GFRA2: variants seen among roughly 807,000 people sequenced by gnomAD.
The protein encoded by GFRA2 is GDNF family receptor alpha-2.
A neutral mutation model predicts 48.3 loss-of-function variants in GFRA2; 17 were observed. That is an observed-to-expected ratio of 0.35 (90% confidence interval 0.24 to 0.53). GFRA2 has a LOEUF of 0.53. GFRA2 is among the 20% of genes least tolerant of loss of function. GFRA2 has a pLI of 0.93. For synonymous variants in GFRA2, 305 were observed against 257.2 expected, an observed-to-expected ratio of 1.19 and a Z score of -1.78; for missense variants, 660 against 637.3, an observed-to-expected ratio of 1.04 and a Z score of -0.38.
At chr8:21,713,048 A>AGAC (rs1803147045) in intron 4 of GFRA2, among the ~76,000 whole-genome samples, 5 of 149,076 alleles carry the variant, frequency 3.4e-5, no homozygotes, top group African/African-American at 1.3e-4. Context: ...AGGGAGAGGG[A>AGAC]GAGGGAGACG....
chr8:21,718,919 C>A (rs1411250531), intron 4 of GFRA2, among the ~76,000 whole-genome samples: 1 of 151,636 alleles, frequency 6.6e-6, no homozygotes, highest in Non-Finnish European at 1.5e-5. Context: ...AGCCCCCTAC[C>A]CATCCCCCTG....
intron 4 of GFRA2, among the ~76,000 whole-genome samples, chr8:21,739,300 C>G (rs1804636443): frequency 6.6e-6 from 1 of 152,216 alleles, no homozygotes; most frequent in Admixed American, 6.5e-5. Flanking sequence ...TCCAACACCC[C>G]TTCCCTGACA....
chr8:21,736,949 A>G, intron 4 of GFRA2, among the ~76,000 whole-genome samples: 1 of 148,470 alleles, frequency 6.7e-6, no homozygotes, highest in Non-Finnish European at 1.5e-5. Context: ...AGGGGAGGGG[A>G]GGCCTCCAAG....
chr8:21,743,442 T>G (rs1338545345), intron 4 of GFRA2, among the ~76,000 whole-genome samples: 1 of 152,188 alleles, frequency 6.6e-6, no homozygotes, highest in African/African-American at 2.4e-5. Context: ...CAAGAGAACC[T>G]GAGTGAAAAG....
At chr8:21,780,100 CA>C (rs1213516497) in intron 2 of GFRA2, among the ~76,000 whole-genome samples, 1 of 151,296 alleles carries the variant, frequency 6.6e-6, no homozygotes, top group Non-Finnish European at 1.5e-5. Flanking sequence ...CTCTTTACAC[CA>C]AAATTCTGGA....
intron 4 of GFRA2, among the ~76,000 whole-genome samples, chr8:21,741,749 C>T (rs1804753944): frequency 6.6e-6 from 1 of 151,880 alleles, no homozygotes; most frequent in Non-Finnish European, 1.5e-5. Flanking sequence ...TGGTGAAAGC[C>T]CGTCTGTACT....
At chr8:21,736,479 C>T (rs1342137260) in intron 4 of GFRA2, among the ~76,000 whole-genome samples, 3 of 151,872 alleles carry the variant, frequency 2.0e-5, no homozygotes, top group African/African-American at 7.3e-5. Flanking sequence ...TTAGGTATAC[C>T]TTTCTGTCTT....
chr8:21,751,052 G>C, intron 3 of GFRA2, 110 bp from the exon 4 acceptor site: 1 of 751,232 alleles, frequency 1.3e-6, no homozygotes, highest in East Asian at 2.7e-5. Flanking sequence ...CCATGTGCCT[G>C]CTCTGTGCCT....
intron 4 of GFRA2, among the ~76,000 whole-genome samples, chr8:21,733,028 G>A (rs1563234940): frequency 1.3e-5 from 2 of 152,186 alleles, no homozygotes; most frequent in African/African-American, 4.8e-5. Context: ...ACAGAGTCAG[G>A]AGAGCCTTGG....
Position 21,782,816 on chromosome 8 carries a change from G to A in GFRA2, c.124C>T (p.Arg42Trp). Residue 42 changes from arginine to tryptophan, a missense_variant, in exon 2 of 9, where the codon CGG becomes TGG. Arg to Trp is a moderately radical substitution (Grantham distance 101). Coordinates refer to ENST00000524240, the MANE Select transcript of GFRA2 (RefSeq NM_001495.5). ...HGWRPPVDCV[R>W]ANELCAAESN... is the part of the protein sequence containing the mutation. ...TCGGCGGCACACAGCTCATTGGCCC[G>A]GACACAGTCCACTGGGGGGCGCCAG... 1 of 1,575,728 alleles carries A rather than the reference G, an allele frequency of 6.3e-7. No individual in the cohort carries two copies. Among genetic ancestry groups the A allele is most frequent in the Non-Finnish European group, 8.6e-7 (1 of 1,166,692 alleles).
At chr8:21,758,872 G>A (rs1805724154) in intron 3 of GFRA2, among the ~76,000 whole-genome samples, 1 of 151,660 alleles carries the variant, frequency 6.6e-6, no homozygotes, top group African/African-American at 2.4e-5. Context: ...TCAACAGCAT[G>A]TGTGCACACC....
chr8:21,761,542 A>G (rs1762645972), intron 3 of GFRA2, among the ~76,000 whole-genome samples: 1 of 152,244 alleles, frequency 6.6e-6, no homozygotes, highest in Non-Finnish European at 1.5e-5. Context: ...CTGGGATAGA[A>G]CATCTACCTG....
intron 1 of GFRA2, among the ~76,000 whole-genome samples, chr8:21,786,821 T>C (rs1164834427): frequency 3.3e-5 from 5 of 152,156 alleles, no homozygotes; most frequent in African/African-American, 1.2e-4. Context: ...CACATCCTCC[T>C]GTAACCAGCT....
chr8:21,746,177 G>T (rs1288491715), intron 4 of GFRA2, among the ~76,000 whole-genome samples: 1 of 152,084 alleles, frequency 6.6e-6, no homozygotes, highest in African/African-American at 2.4e-5. Context: ...CCCTGACTCT[G>T]GGGCACCACC....
At chr8:21,737,676 T>C (rs1291691227) in intron 4 of GFRA2, among the ~76,000 whole-genome samples, 1 of 151,490 alleles carries the variant, frequency 6.6e-6, no homozygotes, top group Non-Finnish European at 1.5e-5. Context: ...CCTGTCCTCT[T>C]CTCCCAGAAG....
intron 4 of GFRA2, among the ~76,000 whole-genome samples, chr8:21,729,879 G>C (rs1472907496): frequency 6.6e-6 from 1 of 152,148 alleles, no homozygotes; most frequent in Non-Finnish European, 1.5e-5. Flanking sequence ...CCTGTTTCTG[G>C]GCCTAAGAAG....
At chr8:21,759,815 G>T (rs1805807096) in intron 3 of GFRA2, among the ~76,000 whole-genome samples, 1 of 151,190 alleles carries the variant, frequency 6.6e-6, no homozygotes, top group South Asian at 2.1e-4. Context: ...CTTGAAGCCG[G>T]GAGGCAGAGG....
upstream of GFRA2, among the ~76,000 whole-genome samples, chr8:21,792,109 A>G (rs1005612780): frequency 6.6e-6 from 1 of 152,134 alleles, no homozygotes; most frequent in African/African-American, 2.4e-5. Flanking sequence ...GAATCCTTCC[A>G]TTCCTTCCCT....
At chr8:21,793,205 A>G (rs374458465), upstream of GFRA2, among the ~76,000 whole-genome samples, 4 of 152,206 alleles carry the variant, frequency 2.6e-5, no homozygotes, top group East Asian at 5.8e-4. Context: ...CTTCAGATTC[A>G]TGCACCAGGA....
Sources: gnomAD v4.1 joint callset for allele counts (sites outside exome capture counted in the v4.1 genomes callset) on GRCh38, gnomAD v4.1.1 for gene constraint, MANE v1.5 for transcripts, NCBI Gene and HGNC (gene_info 2026-07-23, HGNC 2026-07-21) for gene names.